ZNF708: variants seen among roughly 807,000 people sequenced by gnomAD.
ZNF708 encodes the protein zinc finger protein 708, also known as ZNF15, ZNF15L1.
ZNF708 carries 44 observed loss-of-function variants against 47.0 expected under a neutral mutation model. That is an observed-to-expected ratio of 0.94 (90% CI 0.74 to 1.20). The LOEUF (loss-of-function observed/expected upper bound fraction) is 1.20. Among genes scored for constraint, ZNF708 ranks in the 50% most tolerant of loss-of-function variants. ZNF708 has a pLI of 0.00. For missense variants in ZNF708, 557 were observed against 656.0 expected (o/e 0.85, Z 1.65); for synonymous variants, 184 against 218.5 (o/e 0.84, Z 1.39).
At chr19:21,309,782 A>G (rs898381983) in intron 2 of ZNF708, among the ~76,000 whole-genome samples, 4 of 152,244 alleles carry the variant, frequency 2.6e-5, no homozygotes, top group Non-Finnish European at 5.9e-5. Context: ...CTAGTAAATT[A>G]ATCACAAAAT....
Position 21,291,587 on chromosome 19 carries a change from C to T in ZNF708, c.*1687G>A, listed in dbSNP as rs8112775. ...TTCAAGGAAAAAAGAACACTTTGGGCCGGGCGCTGTGGCTTAAGCCTGTAA... is the reference window on the plus strand; with the variant it reads ...TTCAAGGAAAAAAGAACACTTTGGGTCGGGCGCTGTGGCTTAAGCCTGTAA... On this transcript the variant is annotated 3_prime_UTR_variant, in exon 4 of 4. Transcript: ENST00000356929. 139,620 of 152,164 alleles carry T rather than the reference C, an allele frequency of 0.92. 64,450 individuals carry two copies. The highest frequency in any genetic ancestry group is 0.98 in the Middle Eastern group (289 of 294). 9.4% of individuals were successfully genotyped at this position (152,164 alleles called of 1,614,324 possible).
intron 3 of ZNF708, among the ~76,000 whole-genome samples, chr19:21,303,322 G>A (rs1972695645): frequency 6.6e-6 from 1 of 152,200 alleles, no homozygotes; most frequent in Non-Finnish European, 1.5e-5. Flanking sequence ...GGAGGCCAAG[G>A]TGGGTGGATC....
Position 21,293,501 on chromosome 19 carries a change from AG to A in ZNF708, c.1464del (p.Ser489LeufsTer8). On this transcript the variant is annotated frameshift_variant, in exon 4 of 4. Transcript: ENST00000356929. LOFTEE classifies it high-confidence loss of function. ...ATTATCTTATGTGTAGTAAGATGAG[AG>A]GACAGAATAAAGCTTTTGCCACATT... ...CEECGKSFIL[S>X]SHLTTHKIIH... The A allele has an allele frequency of 1.2e-6, 2 of 1,613,388 alleles. No individual in the cohort carries two copies. Among genetic ancestry groups the A allele is most frequent in the African/African-American group, 1.3e-5 (1 of 74,960 alleles).
chr19:21,315,477 C>T (rs1972982902), intron 1 of ZNF708, among the ~76,000 whole-genome samples: 1 of 152,136 alleles, frequency 6.6e-6, no homozygotes, highest in Admixed American at 6.5e-5. Flanking sequence ...CCCTCAGAGG[C>T]CGCTCTGGCA....
chr19:21,306,990 TAACATAACATAACATAACATAA>T (rs1182362273), intron 3 of ZNF708: 1 of 140,028 alleles, frequency 7.1e-6, no homozygotes. Flanking sequence ...TAACATAACA[TAACATAACATAACATAACATAA>T]AACATAACAT....
rs377146871 is a variant in ZNF708 at position 21,300,195 on chromosome 19, G to C, written c.227-5456C>G. 5.1e-4 allele frequency among the ~76,000 whole-genome samples: 71 copies of C among 139,566 alleles called. No individual in the cohort carries two copies. The South Asian group carries it at 0.014, about 28-fold the overall frequency. The allele number at this position is 139,566 out of a possible 152,430, so 91.6% of individuals were successfully genotyped here. On this transcript the variant is annotated intron_variant, in intron 3 of 3. Coordinates refer to ENST00000356929, the MANE Select transcript of ZNF708 (RefSeq NM_021269.3). ...CCACTGCACTCCAGCCTGGGCAACA[G>C]AGCAAGACTCCGTCTCAAAAAAAAA...
At chr19:21,295,310 A>C (rs948169884) in intron 3 of ZNF708, among the ~76,000 whole-genome samples, 2 of 152,210 alleles carry the variant, frequency 1.3e-5, no homozygotes, top group Non-Finnish European at 2.9e-5. Flanking sequence ...CTATTTAGAA[A>C]AAACACTAAC....
intron 3 of ZNF708, among the ~76,000 whole-genome samples, chr19:21,301,304 C>T (rs904160308): frequency 4.0e-5 from 6 of 151,428 alleles, no homozygotes; most frequent in African/African-American, 1.2e-4. Flanking sequence ...TAGTGAATCC[C>T]GATCTCTACT....
At chr19:21,311,825 T>C (rs968343453) in intron 1 of ZNF708, among the ~76,000 whole-genome samples, 1 of 152,154 alleles carries the variant, frequency 6.6e-6, no homozygotes. Flanking sequence ...ACACCAACAA[T>C]TTCTGCTACA....
chr19:21,306,134 T>C (rs1972759270), intron 3 of ZNF708, among the ~76,000 whole-genome samples: 1 of 152,118 alleles, frequency 6.6e-6, no homozygotes, highest in South Asian at 2.1e-4. Flanking sequence ...AGAAAAAACA[T>C]AGGAAAAAGT....
chr19:21,310,579 A>T lies in ZNF708; in HGVS notation c.52T>A (p.Trp18Arg). Residue 18 changes from tryptophan to arginine, a missense_variant, in exon 2 of 4, where the codon TGG (tryptophan) becomes AGG (arginine). By Grantham distance (101) the Trp-to-Arg change is moderately radical (BLOSUM62 -3). Coordinates refer to ENST00000356929, the MANE Select transcript of ZNF708 (RefSeq NM_021269.3). ...TGCTGTGCTGTGTCCAGGCACTGCC[A>T]CTCCTCCAGAGAGAATTCTATGGCC... is the stretch of plus-strand genomic sequence containing the variant. ...DVAIEFSLEE[W>R]QCLDTAQQNL... 6.5e-7 allele frequency: 1 copy of T among 1,542,148 alleles called. No homozygotes were observed. The highest frequency in any genetic ancestry group is 8.8e-7 in the Non-Finnish European group (1 of 1,142,696).
Position 21,293,642 on chromosome 19 carries a change from G to T in ZNF708, c.1324C>A (p.His442Asn). The T allele has an allele frequency of 6.2e-7, 1 of 1,612,230 alleles. No individual in the cohort carries two copies. The highest frequency in any genetic ancestry group is 8.5e-7 in the Non-Finnish European group (1 of 1,179,614). Reference protein sequence around the residue: ...FSILTKHKVIHTEDKPYKCEE... With the variant: ...FSILTKHKVINTEDKPYKCEE... ...CATTTGTAGGGTTTGTCTTCAGTAT[G>T]AATTACTTTATGTTTAGTAAGGATT... is the stretch of plus-strand genomic sequence containing the variant. The change falls in exon 4 of 4, where the codon CAT becomes AAT. Residue 442 changes from histidine to asparagine, a missense_variant. Physicochemically the swap from His to Asn is moderately conservative, Grantham distance 68 (BLOSUM62 1). Transcript: ENST00000356929.
chr19:21,309,309 A>C lies in ZNF708; in HGVS notation c.163T>G (p.Cys55Gly). 1 of 1,602,182 alleles carries C rather than the reference A, an allele frequency of 6.2e-7. No homozygotes were observed. ...CAGGGCTCTTTTCCTTGCTCCAGAC[A>C]GGTGATCAGGTCTAAATTAGACACA... ...IAVSNLDLIT[C>G]LEQGKEPWNM... is the part of the protein sequence containing the mutation. The change falls in exon 3 of 4, where the codon TGT (cysteine) becomes GGT (glycine). Residue 55 changes from cysteine (C) to glycine (G), a missense_variant. By Grantham distance (159) the Cys-to-Gly change is radical. Transcript: ENST00000356929.
rs1568342679 is a variant in ZNF708, at chr19:21,293,589, G to A, written c.1377C>T (p.Tyr459=). 3 of 1,611,420 alleles carry A rather than the reference G, an allele frequency of 1.9e-6. No homozygotes were observed. Among genetic ancestry groups the A allele is most frequent in the South Asian group, 2.2e-5 (2 of 90,860 alleles). The change falls in exon 4 of 4, where the codon TAC becomes TAT. Residue 459 remains tyrosine (Y), a synonymous_variant. Transcript: ENST00000356929. ...TTTTATGATTAGTAAAATTTGAGGAGTAGTTAAAAGTTTTGCCACATTCTT... is the reference window on the plus strand; with the variant it reads ...TTTTATGATTAGTAAAATTTGAGGAATAGTTAAAAGTTTTGCCACATTCTT... ...KCEECGKTFN[Y]SSNFTNHKKI...
chr19:21,307,036 TA>T (rs1456184655), intron 3 of ZNF708: 18 of 104,806 alleles, frequency 1.7e-4, no homozygotes, highest in African/African-American at 7.0e-4. Flanking sequence ...ATAACATACA[TA>T]AAATAAAATA....
chr19:21,324,515 C>G (rs975109022), intron 1 of ZNF708, among the ~76,000 whole-genome samples: 5 of 151,410 alleles, frequency 3.3e-5, no homozygotes, highest in South Asian at 2.1e-4. Context: ...TGCAGTAAGC[C>G]GAGATCATGA....
chr19:21,300,305 T>C (rs995745013), intron 3 of ZNF708, among the ~76,000 whole-genome samples: 1 of 149,606 alleles, frequency 6.7e-6, no homozygotes, highest in South Asian at 2.1e-4. Flanking sequence ...AGGTCAGGAG[T>C]TGGAGACCAG....
intron 3 of ZNF708, among the ~76,000 whole-genome samples, chr19:21,297,966 T>A (rs1364483169): frequency 7.7e-6 from 1 of 130,116 alleles, no homozygotes; most frequent in Non-Finnish European, 1.6e-5. Context: ...GACTAGTGTG[T>A]GTGTGTGTGT....
chr19:21,303,807 G>A (rs1049865915), intron 3 of ZNF708, among the ~76,000 whole-genome samples: 1 of 151,492 alleles, frequency 6.6e-6, no homozygotes, highest in Non-Finnish European at 1.5e-5. Flanking sequence ...ACTAGCATGA[G>A]AACAAAATTG....
Sources: gnomAD v4.1 joint callset for allele counts (sites outside exome capture counted in the v4.1 genomes callset) on GRCh38, gnomAD v4.1.1 for gene constraint, MANE v1.5 for transcripts, NCBI Gene and HGNC (gene_info 2026-07-23, HGNC 2026-07-21) for gene names.